The following PARP12 variants were observed in gnomAD, a reference collection of about 807,000 sequenced individuals.
PARP12 encodes the protein poly(ADP-ribose) polymerase family member 12.
In PARP12, 59 loss-of-function variants were observed where a neutral mutation model predicts 72.4. The ratio of observed to expected loss-of-function variants is 0.81; its 90% CI spans 0.66 to 1.01. PARP12 has a LOEUF of 1.01. Ranked by LOEUF, PARP12 falls within the 50% of genes least tolerant of loss-of-function variation. The pLI is 0.00. For missense variants in PARP12, 851 were observed against 914.0 expected, an observed-to-expected ratio of 0.93 and a Z score of 0.89; for synonymous variants, 403 against 371.4, an observed-to-expected ratio of 1.09 and a Z score of -0.98.
chr7:140,047,126 G>A (rs1816764288), intron 4 of PARP12, 119 bp from the exon 5 acceptor site: 3 of 1,222,368 alleles, frequency 2.5e-6, no homozygotes, highest in Admixed American at 3.3e-5. Flanking sequence ...AATGTGTGGT[G>A]GAGTCTGTTT....
intron 4 of PARP12, among the ~76,000 whole-genome samples, chr7:140,053,288 C>T (rs1281947279): frequency 6.6e-6 from 1 of 152,054 alleles, no homozygotes; most frequent in Non-Finnish European, 1.5e-5. Flanking sequence ...ATTGATATGC[C>T]AGCATGACTG....
rs774968991 is a variant in PARP12, at chr7:140,034,308, A to G, written c.1348T>C (p.Tyr450His). 7 of 1,612,700 alleles carry G rather than the reference A, an allele frequency of 4.3e-6. No homozygotes were observed. The highest frequency in any genetic ancestry group is 5.1e-6 in the Non-Finnish European group (6 of 1,179,178). ...CGGCAAACCTTTTTAGTTGTGCCAT[A>G]GACCAGGTTTTTCTGAACGAAGGCT... ...FKAFVQKNLV[Y>H]GTTKKVCRRP... The change falls in exon 8 of 12, where the codon TAT (tyrosine) becomes CAT (histidine). Residue 450 changes from tyrosine to histidine, a missense_variant. Physicochemically the swap from Tyr to His is moderately conservative, Grantham distance 83 (BLOSUM62 2). Coordinates refer to ENST00000263549, the MANE Select transcript of PARP12 (RefSeq NM_022750.4).
intron 1 of PARP12, among the ~76,000 whole-genome samples, chr7:140,058,900 A>T (rs191533206): frequency 1.4e-4 from 21 of 152,206 alleles, no homozygotes; most frequent in African/African-American, 4.6e-4. Flanking sequence ...GTTCGAGACT[A>T]GCCTGGCCAA....
At chr7:140,028,499 A>G (rs1815819837) in intron 9 of PARP12, 114 bp downstream of exon 9, 3 of 925,894 alleles carry the variant, frequency 3.2e-6, no homozygotes, top group East Asian at 3.2e-5. Context: ...CTCCTGCCCC[A>G]ATTAGCCCCA....
intron 4 of PARP12, among the ~76,000 whole-genome samples, chr7:140,048,759 A>G (rs535601573): frequency 2.6e-5 from 4 of 152,184 alleles, no homozygotes; most frequent in Non-Finnish European, 4.4e-5. Context: ...TATTCCAAAA[A>G]TTATACATCT....
At chr7:140,059,276 C>T (rs1157957964) in intron 1 of PARP12, among the ~76,000 whole-genome samples, 1 of 152,042 alleles carries the variant, frequency 6.6e-6, no homozygotes, top group African/African-American at 2.4e-5. Flanking sequence ...AGCAGTCAGT[C>T]GGTAAGCAGT....
intron 6 of PARP12, chr7:140,038,395 G>A (rs1411450567): frequency 2.5e-6 from 2 of 807,576 alleles, no homozygotes; most frequent in Non-Finnish European, 3.0e-6. Flanking sequence ...CGTAGCTTCA[G>A]CTGGAGTGAG....
At chr7:140,032,934 A>G (rs1815997148) in intron 8 of PARP12, among the ~76,000 whole-genome samples, 2 of 152,078 alleles carry the variant, frequency 1.3e-5, no homozygotes, top group Admixed American at 1.3e-4. Context: ...GGTTTTACAC[A>G]TAGTCAAAAA....
At chr7:140,062,302 C>A (rs972443530) in intron 1 of PARP12, among the ~76,000 whole-genome samples, 3 of 152,148 alleles carry the variant, frequency 2.0e-5, no homozygotes, top group Admixed American at 1.3e-4. Flanking sequence ...TCTCTCCCCC[C>A]AGGCGTCTAG....
intron 8 of PARP12, chr7:140,028,905 G>T: frequency 2.5e-6 from 1 of 393,990 alleles, no homozygotes; most frequent in Middle Eastern, 7.7e-4. Context: ...AGTCCTGAGA[G>T]ATCTATTTCT....
intron 11 of PARP12, 149 bp from the exon 12 acceptor site, chr7:140,025,034 A>G (rs1815679589): frequency 1.4e-6 from 1 of 696,074 alleles, no homozygotes; most frequent in African/African-American, 1.8e-5. Context: ...CCATGTCTCC[A>G]CTCTCCCTCA....
chr7:140,046,952 T>C lies in PARP12; in HGVS notation c.918A>G (p.Arg306=), dbSNP rs937457116. Residue 306 remains arginine, a synonymous_variant, in exon 5 of 12, where the codon AGA becomes AGG. Coordinates refer to ENST00000263549, the MANE Select transcript of PARP12 (RefSeq NM_022750.4). ...HLPYRWQFLD[R]GKWEDLDNME... ...TGTTGTCCAAATCCTCCCATTTGCCTCTATCCAAGAATTGCCATCGATACG... is the reference window on the plus strand; with the variant it reads ...TGTTGTCCAAATCCTCCCATTTGCCCCTATCCAAGAATTGCCATCGATACG... 4 of 1,614,116 alleles carry C rather than the reference T, an allele frequency of 2.5e-6. No homozygotes were observed. Among genetic ancestry groups the C allele is most frequent in the South Asian group, 1.1e-5 (1 of 91,054 alleles).
chr7:140,051,444 G>T (rs192917628), intron 4 of PARP12, among the ~76,000 whole-genome samples: 1 of 151,270 alleles, frequency 6.6e-6, no homozygotes, highest in East Asian at 1.9e-4. Flanking sequence ...AGGCTGGAGT[G>T]CAGTGGCACG....
rs775346263 is a variant in PARP12 at position 140,057,916 on chromosome 7, G to A, written c.445C>T (p.Pro149Ser). 3 of 1,614,196 alleles carry A rather than the reference G, an allele frequency of 1.9e-6. No individual in the cohort carries two copies. Among genetic ancestry groups the A allele is most frequent in the South Asian group, 2.2e-5 (2 of 91,084 alleles). ...ELCQLLFQNDPWLLPEICQHY... is the reference protein window; with the variant it reads ...ELCQLLFQNDSWLLPEICQHY... Reference sequence around the variant, plus strand: ...GCACTCACTTCTGGCAAAAGCCAGGGGTCGTTCTGAAACAAGAGTTGGCAT... The same window carrying A: ...GCACTCACTTCTGGCAAAAGCCAGGAGTCGTTCTGAAACAAGAGTTGGCAT... Residue 149 changes from proline (P) to serine (S), a missense_variant, in exon 2 of 12, where the codon CCC becomes TCC. This residue lies in a region of PARP12 where 492 missense variants were observed against 489.3 expected (regional missense o/e 1.01). Transcript: ENST00000263549.
At chr7:140,060,700 C>T (rs908633212) in intron 1 of PARP12, among the ~76,000 whole-genome samples, 2 of 151,872 alleles carry the variant, frequency 1.3e-5, no homozygotes, top group African/African-American at 4.8e-5. Context: ...CTCTATCCAG[C>T]CACCATTTGC....
chr7:140,034,007 C>T (rs1215921704), intron 8 of PARP12: 16 of 1,145,412 alleles, frequency 1.4e-5, no homozygotes, highest in Non-Finnish European at 1.7e-5. Flanking sequence ...AGAATCATCG[C>T]AGATCACAAC....
chr7:140,056,495 C>G (rs1221647795), intron 3 of PARP12, among the ~76,000 whole-genome samples: 2 of 152,140 alleles, frequency 1.3e-5, no homozygotes, highest in African/African-American at 4.8e-5. Flanking sequence ...GCATTCCTAA[C>G]TTTGGGTTCC....
At chr7:140,029,587 T>C (rs1413004151) in intron 8 of PARP12, among the ~76,000 whole-genome samples, 1 of 151,998 alleles carries the variant, frequency 6.6e-6, no homozygotes, top group African/African-American at 2.4e-5. Context: ...CACAAAGACT[T>C]AAGATGCTGA....
At chr7:140,034,948 T>C (rs1197428304) in intron 7 of PARP12, among the ~76,000 whole-genome samples, 1 of 152,066 alleles carries the variant, frequency 6.6e-6, no homozygotes, top group Non-Finnish European at 1.5e-5. Context: ...AGTCTTACAT[T>C]TTTTTTAAGA....
Sources: allele counts gnomAD v4.1 joint callset (sites outside exome capture counted in the v4.1 genomes callset), GRCh38; gene constraint gnomAD v4.1.1; regional missense constraint gnomAD v4.1.1; transcripts MANE v1.5; gene names NCBI Gene and HGNC (gene_info 2026-07-23, HGNC 2026-07-21).